Variants in POLR1D observed in about 807,000 individuals in gnomAD.
The protein encoded by POLR1D is DNA-directed RNA polymerases I and III subunit RPAC2.
In POLR1D, 8 loss-of-function variants were observed where a neutral mutation model predicts 10.8. That is an observed-to-expected ratio of 0.74 (90% CI 0.43 to 1.33). POLR1D has a LOEUF of 1.33. POLR1D is among the 40% of genes most tolerant of loss of function. The pLI is 0.01. For synonymous variants in POLR1D, 54 were observed against 57.2 expected (o/e 0.94, Z 0.25); for missense variants, 152 against 161.7 (o/e 0.94, Z 0.32).
chr13:27,633,526 C>A (rs955554413), intron 1 of POLR1D, among the ~76,000 whole-genome samples: 1 of 152,174 alleles, frequency 6.6e-6, no homozygotes, highest in African/African-American at 2.4e-5. Context: ...GCCAGAAATC[C>A]TAGTCTTTAT....
At chr13:27,665,526 A>G (rs1341623375) in intron 2 of POLR1D, 2 of 678,782 alleles carry the variant, frequency 2.9e-6, no homozygotes, top group African/African-American at 1.8e-5. Flanking sequence ...CCTCCCTGGT[A>G]CTCAGAGTTT....
chr13:27,628,647 T>C (rs1310863825), intron 1 of POLR1D, among the ~76,000 whole-genome samples: 3 of 152,206 alleles, frequency 2.0e-5, no homozygotes, highest in African/African-American at 7.2e-5. Context: ...GTTTGTGACT[T>C]TTATTAGTGC....
At chr13:27,648,722 A>T (rs1461963499) in intron 2 of POLR1D, among the ~76,000 whole-genome samples, 1 of 146,312 alleles carries the variant, frequency 6.8e-6, no homozygotes, top group East Asian at 1.9e-4. Context: ...GTATTTAGAT[A>T]CTACTGTGCG....
intron 1 of POLR1D, among the ~76,000 whole-genome samples, chr13:27,629,455 ATGT>A (rs1481396161): frequency 6.6e-6 from 1 of 152,210 alleles, no homozygotes; most frequent in Non-Finnish European, 1.5e-5. Context: ...TTAGCTATTA[ATGT>A]TATTATTGTA....
intron 1 of POLR1D, among the ~76,000 whole-genome samples, chr13:27,629,065 C>A (rs186432187): frequency 7.1e-4 from 108 of 152,308 alleles, no homozygotes; most frequent in African/African-American, 2.2e-3. Flanking sequence ...CTCAAGTGAT[C>A]CTCCCATCTC....
intron 2 of POLR1D, among the ~76,000 whole-genome samples, chr13:27,652,489 G>A (rs1030380119): frequency 6.6e-6 from 1 of 152,174 alleles, no homozygotes; most frequent in African/African-American, 2.4e-5. Context: ...CATAGGGTAT[G>A]ACTCTTTTCT....
At chr13:27,648,320 T>C (rs1956237761) in intron 1 of POLR1D, 3 of 1,127,816 alleles carry the variant, frequency 2.7e-6, no homozygotes, top group Middle Eastern at 2.0e-4. Context: ...CTGGAATGAA[T>C]TGATTTTCAG....
At chr13:27,659,955 TACAG>T (rs1956347716) in intron 2 of POLR1D, among the ~76,000 whole-genome samples, 1 of 151,124 alleles carries the variant, frequency 6.6e-6, no homozygotes, top group Admixed American at 6.6e-5. Context: ...CACATACATA[TACAG>T]ACAAACACAT....
intron 1 of POLR1D, among the ~76,000 whole-genome samples, chr13:27,632,135 C>T (rs558757254): frequency 6.6e-6 from 1 of 152,204 alleles, no homozygotes; most frequent in South Asian, 2.1e-4. Flanking sequence ...TCCCATGCCT[C>T]ATCTGTTGTC....
intron 1 of POLR1D, chr13:27,648,169 A>T: frequency 2.3e-6 from 1 of 427,194 alleles, no homozygotes; most frequent in Non-Finnish European, 4.3e-6. Flanking sequence ...CCAGTTTGTA[A>T]TTTTTTTCTC....
At chr13:27,666,490 A>G (rs1956420352) in exon 3 of POLR1D, 1 of 152,434 alleles carries the variant, frequency 6.6e-6, no homozygotes, top group South Asian at 2.1e-4. Flanking sequence ...GGAAATCCTC[A>G]AAGTGGCTTT....
chr13:27,633,333 A>T (rs1956092251), intron 1 of POLR1D, among the ~76,000 whole-genome samples: 1 of 152,208 alleles, frequency 6.6e-6, no homozygotes, highest in South Asian at 2.1e-4. Context: ...GCCAAGGCCG[A>T]CAATGTTGGT....
At chr13:27,666,260 A>G (rs942809068) in exon 3 of POLR1D, 7 of 295,758 alleles carry the variant, frequency 2.4e-5, no homozygotes, top group African/African-American at 1.3e-4. Context: ...TAAAGTTTTC[A>G]GAGATTGTTA....
At chr13:27,632,835 A>G (rs1039845911) in intron 1 of POLR1D, among the ~76,000 whole-genome samples, 2 of 152,104 alleles carry the variant, frequency 1.3e-5, no homozygotes, top group African/African-American at 4.8e-5. Flanking sequence ...TGTATCCACA[A>G]CCCCTGGAAC....
chr13:27,640,295 C>T (rs1314284825), intron 1 of POLR1D, among the ~76,000 whole-genome samples: 2 of 151,962 alleles, frequency 1.3e-5, no homozygotes. Flanking sequence ...AATTCATAAC[C>T]CAGGAAACAC....
chr13:27,645,582 T>C (rs12876263), intron 1 of POLR1D, among the ~76,000 whole-genome samples: 13,974 of 152,246 alleles, frequency 0.092, 688 homozygotes, highest in Middle Eastern at 0.13. Context: ...TTAGTTGTTG[T>C]TAAACCAATT....
chr13:27,656,025 C>A (rs1171931868), intron 2 of POLR1D, among the ~76,000 whole-genome samples: 2 of 145,568 alleles, frequency 1.4e-5, no homozygotes, highest in Admixed American at 6.7e-5. Flanking sequence ...AAATTAAAAA[C>A]TAAACATACA....
chr13:27,665,143 G>A (rs1956402901), intron 2 of POLR1D: 1 of 155,600 alleles, frequency 6.4e-6, no homozygotes, highest in African/African-American at 2.4e-5. Context: ...TGAAATAGAA[G>A]TGTAAGAATT....
intron 2 of POLR1D, among the ~76,000 whole-genome samples, chr13:27,658,721 G>A (rs916337622): frequency 6.6e-6 from 1 of 152,190 alleles, no homozygotes; most frequent in African/African-American, 2.4e-5. Context: ...TTTAGAAGCT[G>A]TTGTTGACAG....
Sources: gnomAD v4.1 joint callset for allele counts (sites outside exome capture counted in the v4.1 genomes callset) on GRCh38, gnomAD v4.1.1 for gene constraint, MANE v1.5 for transcripts, NCBI Gene and HGNC (gene_info 2026-07-23, HGNC 2026-07-21) for gene names.